GID4: variants seen among roughly 807,000 people sequenced by gnomAD.
GID4 encodes the protein glucose-induced degradation protein 4 homolog.
In GID4, 7 loss-of-function variants were observed where a neutral mutation model predicts 32.4. The ratio of observed to expected loss-of-function variants is 0.22; its 90% confidence interval spans 0.12 to 0.41. GID4 has a LOEUF of 0.41. GID4 is among the 10% of genes least tolerant of loss of function. GID4 has a pLI of 1.00. For synonymous variants in GID4, 166 were observed against 170.0 expected (o/e 0.98, Z 0.18); for missense variants, 309 against 400.0 (o/e 0.77, Z 1.94).
intron 3 of GID4, chr17:18,056,573 T>C (rs2044969371): frequency 4.8e-6 from 4 of 831,534 alleles, no homozygotes; most frequent in Non-Finnish European, 7.4e-6. Flanking sequence ...TTCAACTCTA[T>C]TTTCCATTTC....
chr17:18,051,687 A>T (rs1284219688), intron 2 of GID4, among the ~76,000 whole-genome samples: 2 of 151,878 alleles, frequency 1.3e-5, no homozygotes, highest in African/African-American at 4.8e-5. Flanking sequence ...AAAAAAAAAA[A>T]ATAGCTTCTA....
chr17:18,060,994 C>G (rs2045013570), intron 4 of GID4, among the ~76,000 whole-genome samples: 1 of 152,154 alleles, frequency 6.6e-6, no homozygotes. Flanking sequence ...CTCAGCCTCC[C>G]AAAGTGTTGG....
In GID4 at chr17:18,046,281, T is replaced by C. The variant is rs530811842; in HGVS notation, c.498+1075T>C. 1.1e-4 allele frequency among the ~76,000 whole-genome samples: 17 copies of C among 152,300 alleles called. 1 individual carries two copies. The South Asian group carries it at 3.5e-3, about 32-fold the overall frequency. On this transcript the variant is annotated intron_variant, in intron 2 of 5. Transcript: ENST00000268719. ...ATCTGTGACCTTTAACTTCTTTCAGTGTCCTCATCTGCGAAGTTGAGAATT... is the reference window on the plus strand; with the variant it reads ...ATCTGTGACCTTTAACTTCTTTCAGCGTCCTCATCTGCGAAGTTGAGAATT...
chr17:18,064,932 A>G (rs1307507392), intron 5 of GID4, among the ~76,000 whole-genome samples: 6 of 152,120 alleles, frequency 3.9e-5, no homozygotes, highest in African/African-American at 1.4e-4. Context: ...AACATACCAT[A>G]GTTAACTTCA....
chr17:18,064,202 A>C lies in GID4; in HGVS notation c.840-978A>C, dbSNP rs148592769. Among the ~76,000 whole-genome samples, 30 of 152,264 alleles carry C rather than the reference A, an allele frequency of 2.0e-4. 1 individual carries two copies. The East Asian group carries it at 4.6e-3, about 24-fold the overall frequency. ...TACCTAGGAGTGAAATTGCTAGGTC[A>C]TACGGTATTGCTATATTTAACTTTA... On this transcript the variant is annotated intron_variant, in intron 5 of 5. Coordinates refer to ENST00000268719, the MANE Select transcript of GID4 (RefSeq NM_024052.5).
intron 5 of GID4, among the ~76,000 whole-genome samples, chr17:18,063,381 G>C (rs750687606): frequency 3.6e-4 from 55 of 152,296 alleles, no homozygotes; most frequent in Non-Finnish European, 6.6e-4. Flanking sequence ...CTGCACTCCA[G>C]CCTGGGCGAC....
chr17:18,064,056 T>C (rs77331071), intron 5 of GID4, among the ~76,000 whole-genome samples: 9,770 of 152,238 alleles, frequency 0.064, 393 homozygotes, highest in African/African-American at 0.11. Context: ...ATATACCACA[T>C]TTTATTTATC....
intron 3 of GID4, among the ~76,000 whole-genome samples, chr17:18,058,075 T>C (rs2955352): frequency 0.59 from 90,323 of 152,014 alleles, 27,967 homozygotes; most frequent in Non-Finnish European, 0.68. Context: ...CCTTGTGATC[T>C]GCCTGCCTTG....
chr17:18,054,908 G>A (rs1294391108), intron 3 of GID4, among the ~76,000 whole-genome samples: 1 of 151,934 alleles, frequency 6.6e-6, no homozygotes, highest in African/African-American at 2.4e-5. Flanking sequence ...GCGTTGGCTT[G>A]CGCCTGTAAT....
chr17:18,045,634 C>G (rs1172445418), intron 2 of GID4, among the ~76,000 whole-genome samples: 1 of 151,940 alleles, frequency 6.6e-6, no homozygotes, highest in Non-Finnish European at 1.5e-5. Flanking sequence ...GTGGCTCATG[C>G]CTGTAATCGC....
intron 2 of GID4, among the ~76,000 whole-genome samples, chr17:18,048,511 T>C (rs1449053834): frequency 6.6e-6 from 1 of 152,216 alleles, no homozygotes; most frequent in East Asian, 1.9e-4. Flanking sequence ...TTTAAAATTA[T>C]AAGTCTAGTA....
chr17:18,057,633 C>T (rs1471606873), intron 3 of GID4, among the ~76,000 whole-genome samples: 1 of 152,054 alleles, frequency 6.6e-6, no homozygotes, highest in Non-Finnish European at 1.5e-5. Context: ...CTTCCTGAAT[C>T]TCTTTTGGGT....
chr17:18,041,692 G>T (rs527930317), intron 1 of GID4, among the ~76,000 whole-genome samples: 1 of 152,288 alleles, frequency 6.6e-6, no homozygotes, highest in Admixed American at 6.5e-5. Flanking sequence ...TGTCCCTGTT[G>T]TTCAGTTTGA....
At chr17:18,063,116 A>G (rs1308904833) in intron 5 of GID4, among the ~76,000 whole-genome samples, 1 of 128,910 alleles carries the variant, frequency 7.8e-6, no homozygotes, top group Non-Finnish European at 1.6e-5. Context: ...ATAAATAAAT[A>G]AATAACAGCT....
Sources: allele counts gnomAD v4.1 joint callset (sites outside exome capture counted in the v4.1 genomes callset), GRCh38; gene constraint gnomAD v4.1.1; transcripts MANE v1.5; gene names NCBI Gene and HGNC (gene_info 2026-07-23, HGNC 2026-07-21).